Variants in GABRB3 observed in about 807,000 individuals in gnomAD.
GABRB3 encodes gamma-aminobutyric acid receptor subunit beta-3.
Under a neutral mutation model 52.1 loss-of-function variants are expected in GABRB3, and 14 were observed. That is an observed-to-expected ratio of 0.27 (90% CI 0.18 to 0.42). The LOEUF (loss-of-function observed/expected upper bound fraction) is 0.42. Among genes scored for constraint, GABRB3 ranks in the 10% least tolerant of loss-of-function variants. The probability of loss-of-function intolerance (pLI) is 1.00; values close to 1 mark genes in which losing one functional copy is unlikely to be tolerated. For synonymous variants in GABRB3, 260 were observed against 232.3 expected (o/e 1.12, Z -1.08); for missense variants, 307 against 609.1 (o/e 0.50, Z 5.22).
intron 3 of GABRB3, among the ~76,000 whole-genome samples, chr15:26,643,649 G>C (rs1247382012): frequency 4.9e-5 from 7 of 142,406 alleles, no homozygotes; most frequent in African/African-American, 1.9e-4. Context: ...TGTGTGTGTG[G>C]GTTCACCCTA....
intron 3 of GABRB3, among the ~76,000 whole-genome samples, chr15:26,682,275 A>G (rs1307221023): frequency 7.9e-5 from 12 of 152,152 alleles, no homozygotes; most frequent in Non-Finnish European, 5.9e-5. Flanking sequence ...GAGCGCTTCA[A>G]TACCTTCCTC....
intron 3 of GABRB3, among the ~76,000 whole-genome samples, chr15:26,673,907 A>T (rs1887975274): frequency 6.6e-6 from 1 of 152,176 alleles, no homozygotes. Context: ...TATATCTTTT[A>T]CCTTAGCAGT....
chr15:26,577,685 A>G (rs1380826473), intron 6 of GABRB3, among the ~76,000 whole-genome samples: 1 of 152,228 alleles, frequency 6.6e-6, no homozygotes, highest in East Asian at 1.9e-4. Flanking sequence ...CTGTAGGTCA[A>G]TGGACAGGGT....
At chr15:26,580,651 T>C (rs1321538589) in intron 5 of GABRB3, 195 bp from the exon 6 acceptor site, 11 of 749,546 alleles carry the variant, frequency 1.5e-5, no homozygotes, top group Non-Finnish European at 2.5e-5. Flanking sequence ...ATTTTATTTG[T>C]ACCAGGTTGG....
chr15:26,744,978 A>C (rs563158157), intron 3 of GABRB3, among the ~76,000 whole-genome samples: 1 of 152,322 alleles, frequency 6.6e-6, no homozygotes, highest in East Asian at 1.9e-4. Context: ...TGCAAGAAGC[A>C]TGGTGCTAGA....
chr15:26,711,795 G>T (rs970981175), intron 3 of GABRB3, among the ~76,000 whole-genome samples: 6 of 152,180 alleles, frequency 3.9e-5, no homozygotes, highest in African/African-American at 1.2e-4. Flanking sequence ...ATGAAGTAGC[G>T]AACGTAATGA....
intron 3 of GABRB3, among the ~76,000 whole-genome samples, chr15:26,757,255 G>A (rs1360360292): frequency 1.3e-5 from 2 of 152,038 alleles, no homozygotes; most frequent in East Asian, 3.9e-4. Flanking sequence ...AGCTCCCCAG[G>A]CCAAGTGCCC....
chr15:26,738,610 C>T (rs545711091), intron 3 of GABRB3, among the ~76,000 whole-genome samples: 4 of 152,240 alleles, frequency 2.6e-5, no homozygotes, highest in Admixed American at 6.5e-5. Context: ...CTGACTCTCA[C>T]GGCGCCCTTG....
At chr15:26,751,417 A>G (rs945624781) in intron 3 of GABRB3, among the ~76,000 whole-genome samples, 1 of 152,156 alleles carries the variant, frequency 6.6e-6, no homozygotes. Context: ...GACTCCTGAA[A>G]CACAGCCCAG....
At chr15:26,625,995 A>G (rs1029805605) in intron 3 of GABRB3, among the ~76,000 whole-genome samples, 1 of 152,178 alleles carries the variant, frequency 6.6e-6, no homozygotes, top group African/African-American at 2.4e-5. Flanking sequence ...ATTTTTAACA[A>G]TTTGAAGGTT....
chr15:26,648,968 T>C (rs1595507746), intron 3 of GABRB3, among the ~76,000 whole-genome samples: 1 of 151,356 alleles, frequency 6.6e-6, no homozygotes, highest in Admixed American at 6.6e-5. Context: ...ATGGAGGAGG[T>C]AAGCAGAGAT....
chr15:26,697,581 C>A (rs1888781521), intron 3 of GABRB3, among the ~76,000 whole-genome samples: 3 of 152,102 alleles, frequency 2.0e-5, no homozygotes, highest in Admixed American at 2.0e-4. Context: ...AGAGGGAGCA[C>A]ATATGCCAGT....
intron 3 of GABRB3, among the ~76,000 whole-genome samples, chr15:26,647,151 C>A (rs1254029848): frequency 1.3e-5 from 2 of 152,176 alleles, no homozygotes; most frequent in East Asian, 1.9e-4. Flanking sequence ...CCTCATATAA[C>A]TTCTTTGGAG....
At chr15:26,755,658 G>A (rs1352361920) in intron 3 of GABRB3, among the ~76,000 whole-genome samples, 1 of 152,140 alleles carries the variant, frequency 6.6e-6, no homozygotes, top group Non-Finnish European at 1.5e-5. Context: ...GATTCTAGAA[G>A]TATAGATATA....
intron 3 of GABRB3, among the ~76,000 whole-genome samples, chr15:26,752,856 T>C (rs1890554623): frequency 1.3e-5 from 2 of 152,144 alleles, no homozygotes; most frequent in South Asian, 4.1e-4. Flanking sequence ...CAGGACAACA[T>C]CTGGCTCTGT....
At chr15:26,673,921 G>T (rs1887975849) in intron 3 of GABRB3, among the ~76,000 whole-genome samples, 1 of 152,228 alleles carries the variant, frequency 6.6e-6, no homozygotes, top group Admixed American at 6.5e-5. Flanking sequence ...TAGCAGTATT[G>T]TTATGTAAGT....
intron 3 of GABRB3, among the ~76,000 whole-genome samples, chr15:26,663,137 T>C (rs566487509): frequency 3.0e-4 from 46 of 152,286 alleles, no homozygotes; most frequent in African/African-American, 1.0e-3. Flanking sequence ...ACAGTTGAGA[T>C]ACAGAACCAA....
chr15:26,641,844 A>T (rs1322397335), intron 3 of GABRB3, among the ~76,000 whole-genome samples: 1 of 152,002 alleles, frequency 6.6e-6, no homozygotes, highest in Non-Finnish European at 1.5e-5. Flanking sequence ...ACAGGTTTGA[A>T]CTGTAGGGGC....
At chr15:26,707,680 G>A (rs543965204) in intron 3 of GABRB3, among the ~76,000 whole-genome samples, 12 of 152,300 alleles carry the variant, frequency 7.9e-5, no homozygotes, top group African/African-American at 2.9e-4. Context: ...ACTGCCCCAG[G>A]CTAAGTTGTC....
Sources: gnomAD v4.1 joint callset for allele counts (sites outside exome capture counted in the v4.1 genomes callset) on GRCh38, gnomAD v4.1.1 for gene constraint, MANE v1.5 for transcripts, NCBI Gene and HGNC (gene_info 2026-07-23, HGNC 2026-07-21) for gene names.